Variants in ATP1B1 observed in about 807,000 individuals in gnomAD.
ATP1B1 encodes ATPase Na+/K+ transporting subunit beta 1, also known as sodium/potassium-transporting ATPase subunit beta-1.
A neutral mutation model predicts 39.6 loss-of-function variants in ATP1B1; 3 were observed. The ratio of observed to expected loss-of-function variants is 0.08; its 90% confidence interval spans 0.03 to 0.20. The LOEUF is 0.20. Ranked by LOEUF, ATP1B1 falls within the 10% of genes least tolerant of loss-of-function variation. ATP1B1 has a pLI of 1.00. For synonymous variants in ATP1B1, 139 were observed against 135.0 expected (o/e 1.03, Z -0.20); for missense variants, 216 against 371.1 (o/e 0.58, Z 3.43).
intron 2 of ATP1B1, among the ~76,000 whole-genome samples, chr1:169,122,183 C>T (rs1245575645): frequency 2.6e-5 from 4 of 152,176 alleles, no homozygotes; most frequent in Non-Finnish European, 5.9e-5. Context: ...ACTGGCTCTT[C>T]GGGTGGCCCC....
chr1:169,124,769 C>T, intron 2 of ATP1B1, 115 bp from the exon 3 acceptor site: 2 of 1,197,482 alleles, frequency 1.7e-6, no homozygotes, highest in Non-Finnish European at 2.4e-6. Flanking sequence ...GAGGCAAGAC[C>T]CTTTCTTTTT....
intron 2 of ATP1B1, among the ~76,000 whole-genome samples, chr1:169,112,265 T>C (rs2101775481): frequency 6.6e-6 from 1 of 152,374 alleles, no homozygotes; most frequent in South Asian, 2.1e-4. Context: ...GCCATCAGTG[T>C]AGAGCTATGT....
intron 1 of ATP1B1, chr1:169,110,591 T>TTTTTG: frequency 6.1e-6 from 7 of 1,149,818 alleles, no homozygotes; most frequent in East Asian, 6.3e-5. Context: ...TTTTTTGCTT[T>TTTTTG]TGCAGCTATT....
At chr1:169,119,811 TGTAA>T (rs1657935474) in intron 2 of ATP1B1, among the ~76,000 whole-genome samples, 1 of 128,600 alleles carries the variant, frequency 7.8e-6, no homozygotes, top group Non-Finnish European at 1.6e-5. Context: ...AGGCAAACAT[TGTAA>T]GTTGGGAACT....
chr1:169,115,202 A>G (rs1657816486), intron 2 of ATP1B1, among the ~76,000 whole-genome samples: 1 of 128,594 alleles, frequency 7.8e-6, no homozygotes, highest in African/African-American at 2.5e-5. Flanking sequence ...AAAAAAAAGA[A>G]AAAAAAGGGG....
chr1:169,131,423 C>T lies in ATP1B1; in HGVS notation c.780C>T (p.Ala260=), dbSNP rs769110755. The T allele has an allele frequency of 1.9e-6, 3 of 1,614,120 alleles. No homozygotes were observed. Among genetic ancestry groups the T allele is most frequent in the East Asian group, 2.2e-5 (1 of 44,884 alleles). The change falls in exon 6 of 6, where the codon GCC becomes GCT. Residue 260 remains alanine (A), a synonymous_variant. Transcript: ENST00000367815. The surrounding 1 kb of genome is among the most constrained non-coding windows in gnomAD (Gnocchi z 4.4). ...CCAAATACCTGCAGCCCCTGCTGGC[C>T]GTACAGTTCACCAATCTTACCATGG... ...LQPKYLQPLL[A]VQFTNLTMDT...
intron 2 of ATP1B1, among the ~76,000 whole-genome samples, chr1:169,119,264 T>G (rs1192695085): frequency 6.6e-6 from 1 of 151,976 alleles, no homozygotes; most frequent in Non-Finnish European, 1.5e-5. Context: ...CAGATTATGA[T>G]TTCTGCCTCT....
At chr1:169,107,462 TA>T (rs1657622301) in intron 1 of ATP1B1, among the ~76,000 whole-genome samples, 1 of 152,136 alleles carries the variant, frequency 6.6e-6, no homozygotes, top group African/African-American at 2.4e-5. Context: ...CAGCGATGGC[TA>T]AGGATTTCCC....
In ATP1B1 at chr1:169,111,318, C is replaced by T. The variant is rs796599453; in HGVS notation, c.98-52C>T. 8.7e-6 allele frequency: 14 copies of T among 1,603,640 alleles called. No individual in the cohort carries two copies. In the African/African-American group the frequency reaches 1.9e-4, roughly 21 times the overall value. On this transcript the variant is annotated intron_variant, in intron 1 of 5. Transcript: ENST00000367815. ...TTCATCCGTGGGAAGATTAAACTTTCATTCTGAGCATATGACTGCATCACA... is the reference window on the plus strand; with the variant it reads ...TTCATCCGTGGGAAGATTAAACTTTTATTCTGAGCATATGACTGCATCACA...
At chr1:169,108,141 T>G (rs988459191) in intron 1 of ATP1B1, 1 of 151,908 alleles carries the variant, frequency 6.6e-6, no homozygotes, top group African/African-American at 2.4e-5. Context: ...AATTAAAGGG[T>G]TAATAATGCA....
intron 2 of ATP1B1, among the ~76,000 whole-genome samples, chr1:169,113,272 G>C (rs1471018425): frequency 6.6e-6 from 1 of 151,932 alleles, no homozygotes; most frequent in Non-Finnish European, 1.5e-5. Flanking sequence ...CACCATGTTG[G>C]CCAGGCTGGT....
chr1:169,127,099 C>G, intron 3 of ATP1B1, 125 bp from the exon 4 acceptor site: 1 of 979,032 alleles, frequency 1.0e-6, no homozygotes, highest in South Asian at 2.2e-5. Context: ...TAATTCAGAT[C>G]ATGCATTAAA....
rs184534924 is a variant in ATP1B1 at position 169,132,225 on chromosome 1, G to C, written c.*670G>C. ...CTACAGAAAAACACAAAAAGGTGAT[G>C]GGTTGTGTTATGCTTGTATTGAATG... On this transcript the variant is annotated 3_prime_UTR_variant, in exon 6 of 6. Coordinates refer to ENST00000367815, the MANE Select transcript of ATP1B1 (RefSeq NM_001677.4). The C allele has an allele frequency of 4.5e-6, 3 of 669,006 alleles. No individual in the cohort carries two copies. The East Asian group carries it at 8.3e-5, about 18-fold the overall frequency. 41.4% of individuals were successfully genotyped at this position (669,006 alleles called of 1,614,324 possible).
chr1:169,106,986 C>A, intron 1 of ATP1B1, 60 bp downstream of exon 1: 1 of 1,481,884 alleles, frequency 6.7e-7, no homozygotes, highest in Non-Finnish European at 9.1e-7. Flanking sequence ...GCGGCGCATC[C>A]CCTGCGCAGG....
intron 1 of ATP1B1, among the ~76,000 whole-genome samples, chr1:169,111,126 T>C (rs976174741): frequency 1.3e-5 from 2 of 152,188 alleles, no homozygotes; most frequent in African/African-American, 4.8e-5. Flanking sequence ...ATAAGGATCC[T>C]AGTTCTAGCT....
intron 1 of ATP1B1, among the ~76,000 whole-genome samples, chr1:169,107,498 A>G (rs1256021258): frequency 6.6e-6 from 1 of 152,162 alleles, no homozygotes; most frequent in African/African-American, 2.4e-5. Flanking sequence ...TGGAGTCATC[A>G]CCACCCAGAA....
chr1:169,130,779 CAAAAAAAAAAA>C (rs57542049), intron 5 of ATP1B1, among the ~76,000 whole-genome samples: 8 of 73,968 alleles, frequency 1.1e-4, no homozygotes, highest in South Asian at 5.5e-4. Context: ...AAGACTATCT[CAAAAAAAAAAA>C]AAAAAAAAAA....
In ATP1B1 at chr1:169,127,388, G is replaced by A. The variant is rs566377603; in HGVS notation, c.547G>A (p.Val183Ile). 3 of 1,610,726 alleles carry A rather than the reference G, an allele frequency of 1.9e-6. No individual in the cohort carries two copies. Among genetic ancestry groups the A allele is most frequent in the South Asian group, 1.1e-5 (1 of 89,830 alleles). The change falls in exon 4 of 6, where the codon GTT becomes ATT. Residue 183 changes from valine to isoleucine, a missense_variant. By Grantham distance (29) the Val-to-Ile change is conservative. Transcript: ENST00000367815. ...GTGCATTATTATAAAGCTCAACCGA[G>A]TTCTAGGCTTCAAACCTAAGGCAAG... ...KPCIIIKLNR[V>I]LGFKPKPPKN...
At chr1:169,129,924 C>G in intron 4 of ATP1B1, 86 bp from the exon 5 acceptor site, 1 of 1,306,940 alleles carries the variant, frequency 7.7e-7, no homozygotes, top group African/African-American at 1.5e-5. Context: ...CCAGTGTGTA[C>G]TTGTTTGGAC....
Sources: allele counts gnomAD v4.1 joint callset (sites outside exome capture counted in the v4.1 genomes callset), GRCh38; gene constraint gnomAD v4.1.1; non-coding constraint Gnocchi (gnomAD v3.1); transcripts MANE v1.5; gene names NCBI Gene and HGNC (gene_info 2026-07-23, HGNC 2026-07-21).